Variants in RNF220 observed in about 807,000 individuals in gnomAD.
RNF220 encodes the protein ring finger protein 220, also known as E3 ubiquitin-protein ligase RNF220.
In RNF220, 7 loss-of-function variants were observed where a neutral mutation model predicts 67.1. The ratio of observed to expected loss-of-function variants is 0.10; its 90% CI spans 0.06 to 0.20. The LOEUF (loss-of-function observed/expected upper bound fraction) is 0.20. Ranked by LOEUF, RNF220 falls within the 10% of genes least tolerant of loss-of-function variation. The pLI, the probability that RNF220 is intolerant of heterozygous loss-of-function variation, is 1.00. For missense variants in RNF220, 565 were observed against 740.3 expected, an observed-to-expected ratio of 0.76 and a Z score of 2.75; for synonymous variants, 270 against 283.2, an observed-to-expected ratio of 0.95 and a Z score of 0.47.
chr1:44,556,516 A>G (rs1663093352), intron 2 of RNF220, among the ~76,000 whole-genome samples: 1 of 149,038 alleles, frequency 6.7e-6, no homozygotes, highest in Admixed American at 6.6e-5. Flanking sequence ...GGCTGGACCT[A>G]TTTAGGGTAT....
chr1:44,422,330 A>G (rs1649314022), intron 2 of RNF220, among the ~76,000 whole-genome samples: 2 of 152,160 alleles, frequency 1.3e-5, no homozygotes, highest in Non-Finnish European at 2.9e-5. Flanking sequence ...CCTGAGCAGT[A>G]AAATTAAAAA....
chr1:44,540,328 T>C (rs12120800), intron 2 of RNF220, among the ~76,000 whole-genome samples: 84,079 of 151,860 alleles, frequency 0.55, 23,590 homozygotes, highest in Middle Eastern at 0.62. Flanking sequence ...AATAATGGGC[T>C]TCATGAATAC....
At chr1:44,433,359 T>C (rs2147873672) in intron 2 of RNF220, among the ~76,000 whole-genome samples, 1 of 152,340 alleles carries the variant, frequency 6.6e-6, no homozygotes. Context: ...TAAAAGTACG[T>C]AACAGTTCAG....
chr1:44,634,960 C>CT (rs1159365263), intron 6 of RNF220, among the ~76,000 whole-genome samples: 1 of 152,154 alleles, frequency 6.6e-6, no homozygotes, highest in Admixed American at 6.5e-5. Flanking sequence ...ACCGTCTTAC[C>CT]TTTATGACTG....
At chr1:44,594,286 C>T (rs1666317827) in intron 2 of RNF220, among the ~76,000 whole-genome samples, 1 of 151,858 alleles carries the variant, frequency 6.6e-6, no homozygotes, top group Admixed American at 6.6e-5. Context: ...CTCCTTGTTA[C>T]TTCATTCCCT....
At chr1:44,594,282 G>C (rs1323747699) in intron 2 of RNF220, among the ~76,000 whole-genome samples, 1 of 151,342 alleles carries the variant, frequency 6.6e-6, no homozygotes, top group East Asian at 1.9e-4. Context: ...CTCCCTCCTT[G>C]TTACTTCATT....
At chr1:44,520,948 T>G (rs1659888793) in intron 2 of RNF220, among the ~76,000 whole-genome samples, 1 of 152,196 alleles carries the variant, frequency 6.6e-6, no homozygotes, top group African/African-American at 2.4e-5. Flanking sequence ...CAGGCTGGAG[T>G]GCAGTGGCGC....
intron 2 of RNF220, among the ~76,000 whole-genome samples, chr1:44,521,097 A>G (rs1659903879): frequency 1.3e-5 from 2 of 152,046 alleles, no homozygotes; most frequent in South Asian, 2.1e-4. Context: ...GGATCTCACC[A>G]TGTTTCCCAG....
At chr1:44,452,244 T>C (rs1243936722) in intron 2 of RNF220, among the ~76,000 whole-genome samples, 1 of 152,172 alleles carries the variant, frequency 6.6e-6, no homozygotes, top group Non-Finnish European at 1.5e-5. Context: ...TGTAGCATTA[T>C]AGAATTTTTA....
At chr1:44,580,010 C>T (rs1665116644) in intron 2 of RNF220, among the ~76,000 whole-genome samples, 2 of 89,480 alleles carry the variant, frequency 2.2e-5, no homozygotes, top group African/African-American at 8.3e-5. Flanking sequence ...GCCAGGGCAA[C>T]AGAGCAAGAC....
At chr1:44,635,981 C>T in intron 7 of RNF220, 49 bp from the exon 8 acceptor site, 16 of 1,612,984 alleles carry the variant, frequency 9.9e-6, no homozygotes, top group Non-Finnish European at 1.4e-5. Flanking sequence ...CTGTGGGGAG[C>T]AGGTGGGGAT....
Position 44,645,330 on chromosome 1 carries a change from G to C in RNF220, c.1366+54G>C. Reference sequence around the variant, plus strand: ...GGGGGAGAGGGGGTATCCCTAGATGGTGGTGACTGACTCAAGCCCAACCCC... The same window carrying C: ...GGGGGAGAGGGGGTATCCCTAGATGCTGGTGACTGACTCAAGCCCAACCCC... On this transcript the variant is annotated intron_variant, in intron 11 of 14. Coordinates refer to ENST00000361799, the MANE Select transcript of RNF220 (RefSeq NM_018150.4). The surrounding 1 kb of genome is among the most constrained non-coding windows in gnomAD (Gnocchi z 5.0). 1 of 1,612,954 alleles carries C rather than the reference G, an allele frequency of 6.2e-7. No homozygotes were observed. Among genetic ancestry groups the C allele is most frequent in the Non-Finnish European group, 8.5e-7 (1 of 1,178,984 alleles).
intron 2 of RNF220, among the ~76,000 whole-genome samples, chr1:44,455,365 G>A (rs1303391340): frequency 6.6e-6 from 1 of 152,146 alleles, no homozygotes; most frequent in Admixed American, 6.6e-5. Context: ...AAAACGGAGA[G>A]CAAAAGAAGG....
chr1:44,572,032 G>A (rs1664480041), intron 2 of RNF220, among the ~76,000 whole-genome samples: 1 of 152,202 alleles, frequency 6.6e-6, no homozygotes, highest in South Asian at 2.1e-4. Context: ...CCAGTGACTG[G>A]GACAGCCTCC....
intron 2 of RNF220, among the ~76,000 whole-genome samples, chr1:44,481,935 T>G (rs1454186881): frequency 6.6e-6 from 1 of 152,148 alleles, no homozygotes; most frequent in African/African-American, 2.4e-5. Context: ...ATTCTCTCAG[T>G]TGTAACAGGA....
intron 2 of RNF220, among the ~76,000 whole-genome samples, chr1:44,595,327 C>T (rs748123402): frequency 1.1e-4 from 17 of 152,276 alleles, no homozygotes; most frequent in Non-Finnish European, 1.0e-4. Context: ...CTACTGGCCA[C>T]GGACACCTAG....
intron 2 of RNF220, among the ~76,000 whole-genome samples, chr1:44,479,731 G>A (rs1012102199): frequency 6.6e-6 from 1 of 152,172 alleles, no homozygotes; most frequent in East Asian, 1.9e-4. Flanking sequence ...AGAGAGATTG[G>A]AGATGAGAAA....
At chr1:44,637,162 C>G (rs1164632166) in intron 8 of RNF220, among the ~76,000 whole-genome samples, 4 of 152,226 alleles carry the variant, frequency 2.6e-5, no homozygotes, top group Non-Finnish European at 5.9e-5. Context: ...TGGGGCCGTG[C>G]TACCTGGGCA....
rs1644317825 is a variant in RNF220, at chr1:44,636,041, C to T, written c.1005C>T (p.Ser335=). ...RKQDEGQREG[S]CMAEDDAVDI... Reference sequence around the variant, plus strand: ...TCTGCTCTTCACAGAGGGAAGGCTCCTGCATGGCTGAGGATGATGCTGTGG... The same window carrying T: ...TCTGCTCTTCACAGAGGGAAGGCTCTTGCATGGCTGAGGATGATGCTGTGG... The change falls in exon 8 of 15, where the codon TCC becomes TCT. Residue 335 remains serine, a synonymous_variant. Transcript: ENST00000361799. The T allele has an allele frequency of 1.2e-6, 2 of 1,614,102 alleles. No homozygotes were observed. Among genetic ancestry groups the T allele is most frequent in the African/African-American group, 2.7e-5 (2 of 74,932 alleles).
Sources: gnomAD v4.1 joint callset for allele counts (sites outside exome capture counted in the v4.1 genomes callset) on GRCh38, gnomAD v4.1.1 for gene constraint, Gnocchi (gnomAD v3.1) non-coding constraint, MANE v1.5 for transcripts, NCBI Gene and HGNC (gene_info 2026-07-23, HGNC 2026-07-21) for gene names.